The following RGS7 variants were observed in gnomAD, a reference collection of about 807,000 sequenced individuals.
The protein encoded by RGS7 is regulator of G protein signaling 7, also known as regulator of G-protein signaling 7.
In RGS7, 27 loss-of-function variants were observed where a neutral mutation model predicts 81.1. The observed-to-expected ratio is 0.33, with a 90% CI of 0.25 to 0.46. The LOEUF (loss-of-function observed/expected upper bound fraction) is 0.46, where lower values mean the gene tolerates loss of function less well. Ranked by LOEUF, RGS7 falls within the 20% of genes least tolerant of loss-of-function variation. The pLI, the probability that RGS7 is intolerant of heterozygous loss-of-function variation, is 1.00. For synonymous variants in RGS7, 208 were observed against 207.7 expected (o/e 1.00, Z -0.01); for missense variants, 396 against 607.4 (o/e 0.65, Z 3.66).
chr1:240,996,370 T>C (rs61832478), intron 3 of RGS7, among the ~76,000 whole-genome samples: 9,501 of 152,266 alleles, frequency 0.062, 314 homozygotes, highest in African/African-American at 0.067. Context: ...GCTTGATCTA[T>C]GGATCTATCA....
chr1:240,856,717 AT>A (rs1422440479), intron 9 of RGS7, among the ~76,000 whole-genome samples: 2 of 152,160 alleles, frequency 1.3e-5, no homozygotes, highest in Non-Finnish European at 2.9e-5. Context: ...ATAATTTTGA[AT>A]TTTTAGCATT....
intron 3 of RGS7, among the ~76,000 whole-genome samples, chr1:241,054,033 T>C (rs570965371): frequency 6.6e-4 from 100 of 152,334 alleles, no homozygotes; most frequent in African/African-American, 2.3e-3. Context: ...TCTATTCTTC[T>C]GTGGTCAGAA....
intron 18 of RGS7, among the ~76,000 whole-genome samples, chr1:240,799,964 C>A (rs541587952): frequency 8.5e-5 from 13 of 152,276 alleles, no homozygotes; most frequent in African/African-American, 2.9e-4. Flanking sequence ...AGAAGGACAA[C>A]CATTTGACTT....
intron 3 of RGS7, among the ~76,000 whole-genome samples, chr1:241,005,832 G>T (rs369373862): frequency 4.6e-5 from 7 of 152,268 alleles, no homozygotes; most frequent in African/African-American, 1.7e-4. Flanking sequence ...ACCGCGCCCG[G>T]CCACGTCTGG....
intron 3 of RGS7, among the ~76,000 whole-genome samples, chr1:241,071,269 A>C (rs1401804597): frequency 6.6e-6 from 1 of 152,216 alleles, no homozygotes; most frequent in African/African-American, 2.4e-5. Context: ...AATAAAAAGA[A>C]AAAATGAAAA....
Position 241,163,513 on chromosome 1 carries a change from A to G in RGS7, c.79-64751T>C, listed in dbSNP as rs1335223698. Among the ~76,000 whole-genome samples the G allele has an allele frequency of 6.6e-6, 1 of 152,124 alleles. No individual in the cohort carries two copies. The highest frequency in any genetic ancestry group is 6.5e-5 in the Admixed American group (1 of 15,276). On this transcript the variant is annotated intron_variant, in intron 2 of 18. Transcript: ENST00000440928. This position sits in a 1 kb window ranked among gnomAD's most constrained non-coding sequence, Gnocchi z 4.6. ...CCCTGTCCTCTTCCAGATCTAGGAA[A>G]GATTAACCGACTGTCGACACCTTTG...
At chr1:240,948,489 G>A (rs1262553156) in intron 4 of RGS7, among the ~76,000 whole-genome samples, 2 of 152,028 alleles carry the variant, frequency 1.3e-5, no homozygotes, top group African/African-American at 4.8e-5. Flanking sequence ...TGTTGCCCAG[G>A]CTGGAGTGCA....
chr1:241,092,844 A>G (rs1365219810), intron 3 of RGS7, among the ~76,000 whole-genome samples: 2 of 135,040 alleles, frequency 1.5e-5, no homozygotes, highest in Non-Finnish European at 3.0e-5. Context: ...AACTTAAAAG[A>G]ACAACAATAA....
At chr1:240,840,007 G>A (rs535000929) in intron 9 of RGS7, among the ~76,000 whole-genome samples, 1 of 152,060 alleles carries the variant, frequency 6.6e-6, no homozygotes, top group Non-Finnish European at 1.5e-5. Context: ...GAACCTACTG[G>A]CTTCCCTCCA....
Position 241,306,684 on chromosome 1 carries a change from C to T in RGS7, c.78+49015G>A, listed in dbSNP as rs192933875. Among the ~76,000 whole-genome samples the T allele has an allele frequency of 7.9e-5, 12 of 152,046 alleles. 1 individual carries two copies. The highest frequency in any genetic ancestry group is 6.6e-4 in the Admixed American group (10 of 15,260). ...TACATGTCCACCCAACACATGCACACACTCTTACACACACATACACCCTTA... is the reference window on the plus strand; with the variant it reads ...TACATGTCCACCCAACACATGCACATACTCTTACACACACATACACCCTTA... On this transcript the variant is annotated intron_variant, in intron 2 of 18. Coordinates refer to ENST00000440928, the MANE Select transcript of RGS7 (RefSeq NM_001364886.1).
At chr1:240,785,895 C>T (rs1684982080) in intron 18 of RGS7, among the ~76,000 whole-genome samples, 1 of 151,988 alleles carries the variant, frequency 6.6e-6, no homozygotes, top group Non-Finnish European at 1.5e-5. Flanking sequence ...GGGTGAGTTC[C>T]TAGAATGTTA....
intron 3 of RGS7, among the ~76,000 whole-genome samples, chr1:241,036,351 CA>C (rs1447347452): frequency 3.9e-5 from 6 of 152,112 alleles, no homozygotes; most frequent in African/African-American, 1.4e-4. Context: ...AATATTTCTA[CA>C]AAATATTATT....
intron 5 of RGS7, among the ~76,000 whole-genome samples, chr1:240,932,481 T>C (rs1017328371): frequency 1.0e-4 from 15 of 149,970 alleles, no homozygotes; most frequent in Admixed American, 4.0e-4. Context: ...GGGGACAAAG[T>C]AGTTAAAACT....
intron 2 of RGS7, among the ~76,000 whole-genome samples, chr1:241,223,794 G>C (rs12086948): frequency 0.11 from 17,028 of 151,784 alleles, 1,060 homozygotes; most frequent in East Asian, 0.2. Context: ...TAGCAGGGTT[G>C]CTAGGATTTA....
At chr1:240,956,328 T>A (rs2148455547) in intron 4 of RGS7, among the ~76,000 whole-genome samples, 1 of 151,514 alleles carries the variant, frequency 6.6e-6, no homozygotes, top group South Asian at 2.1e-4. Flanking sequence ...AAAAATTGAA[T>A]TAAGTAATTT....
At chr1:241,109,730 G>A (rs1300496051) in intron 2 of RGS7, among the ~76,000 whole-genome samples, 1 of 152,076 alleles carries the variant, frequency 6.6e-6, no homozygotes, top group Non-Finnish European at 1.5e-5. Flanking sequence ...GGCTGAGGCA[G>A]GTGGATCGCC....
At chr1:240,860,888 T>A (rs1662075250) in intron 9 of RGS7, among the ~76,000 whole-genome samples, 2 of 152,188 alleles carry the variant, frequency 1.3e-5, no homozygotes, top group South Asian at 4.1e-4. Context: ...GAATGTCATG[T>A]CATCACACTC....
chr1:240,967,184 G>A (rs1026556609), intron 4 of RGS7, among the ~76,000 whole-genome samples: 11 of 152,100 alleles, frequency 7.2e-5, no homozygotes, highest in African/African-American at 1.9e-4. Flanking sequence ...TCTGACAGTC[G>A]GATATGAGAC....
intron 2 of RGS7, among the ~76,000 whole-genome samples, chr1:241,139,990 C>T (rs1167024504): frequency 6.6e-6 from 1 of 152,098 alleles, no homozygotes; most frequent in South Asian, 2.1e-4. Context: ...CTGTGTGCTA[C>T]CCCTTTATGT....
Sources: gnomAD v4.1 joint callset for allele counts (sites outside exome capture counted in the v4.1 genomes callset) on GRCh38, gnomAD v4.1.1 for gene constraint, Gnocchi (gnomAD v3.1) non-coding constraint, MANE v1.5 for transcripts, NCBI Gene and HGNC (gene_info 2026-07-23, HGNC 2026-07-21) for gene names.